The following STXBP5L variants were observed in gnomAD, a reference collection of about 807,000 sequenced individuals.
STXBP5L encodes the protein syntaxin-binding protein 5-like.
STXBP5L carries 65 observed loss-of-function variants against 144.5 expected under a neutral mutation model. That is an observed-to-expected ratio of 0.45 (90% CI 0.37 to 0.55). The LOEUF is 0.55. STXBP5L is among the 20% of genes least tolerant of loss of function. The probability of loss-of-function intolerance (pLI) is 0.00; values close to 1 mark genes in which losing one functional copy is unlikely to be tolerated. For synonymous variants in STXBP5L, 505 were observed against 469.6 expected (o/e 1.08, Z -0.97); for missense variants, 1,298 against 1,405.5 (o/e 0.92, Z 1.22).
intron 5 of STXBP5L, among the ~76,000 whole-genome samples, chr3:121,082,075 C>A (rs1031891506): frequency 6.6e-6 from 1 of 151,914 alleles, no homozygotes; most frequent in Admixed American, 6.6e-5. Flanking sequence ...TATTCTTTTT[C>A]AAAATTGTCT....
intron 20 of STXBP5L, among the ~76,000 whole-genome samples, chr3:121,334,057 G>A (rs2108565268): frequency 1.3e-5 from 2 of 152,130 alleles, no homozygotes; most frequent in South Asian, 4.2e-4. Flanking sequence ...GGTTTTATAA[G>A]GAGAAACCCC....
At chr3:121,350,747 C>A (rs536102535) in intron 20 of STXBP5L, among the ~76,000 whole-genome samples, 1 of 152,080 alleles carries the variant, frequency 6.6e-6, no homozygotes, top group Non-Finnish European at 1.5e-5. Flanking sequence ...TCCAGTTGAT[C>A]GAATCAGCTA....
At chr3:121,092,694 A>G (rs373979949) in intron 5 of STXBP5L, among the ~76,000 whole-genome samples, 1 of 152,164 alleles carries the variant, frequency 6.6e-6, no homozygotes, top group East Asian at 1.9e-4. Context: ...GGTTTTCTAG[A>G]TACACAATCA....
chr3:120,917,769 C>T (rs1709175145), intron 2 of STXBP5L, among the ~76,000 whole-genome samples: 2 of 152,096 alleles, frequency 1.3e-5, no homozygotes, highest in Admixed American at 1.3e-4. Context: ...TTCTCCTTAC[C>T]TGATAAGAAT....
chr3:121,114,660 A>G (rs919847113), intron 5 of STXBP5L, among the ~76,000 whole-genome samples: 10 of 152,160 alleles, frequency 6.6e-5, no homozygotes, highest in African/African-American at 2.4e-4. Context: ...ACAGAAATAC[A>G]TATCTGTCTT....
chr3:121,247,399 T>C (rs995642620), intron 14 of STXBP5L, among the ~76,000 whole-genome samples: 1 of 152,246 alleles, frequency 6.6e-6, no homozygotes, highest in South Asian at 2.1e-4. Flanking sequence ...TGTAGGATTG[T>C]TACATGGGTA....
chr3:121,035,230 C>T (rs562741189), intron 3 of STXBP5L, among the ~76,000 whole-genome samples: 15 of 152,158 alleles, frequency 9.9e-5, no homozygotes, highest in African/African-American at 2.9e-4. Flanking sequence ...CCCCACTTGC[C>T]TATTTTTGTT....
At chr3:121,170,588 C>T (rs910265579) in intron 9 of STXBP5L, among the ~76,000 whole-genome samples, 5 of 152,084 alleles carry the variant, frequency 3.3e-5, no homozygotes, top group African/African-American at 7.2e-5. Context: ...AATAGAAAAC[C>T]TAGAAGAAAT....
chr3:121,045,555 A>G lies in STXBP5L; in HGVS notation c.470+20A>G. 6.3e-7 allele frequency: 1 copy of G among 1,591,634 alleles called. No homozygotes were observed. Among genetic ancestry groups the G allele is most frequent in the Non-Finnish European group, 8.5e-7 (1 of 1,170,958 alleles). ...GGAACGGTAAGAACCTATGAATTAA[A>G]CAATTTCTTAATGTACAACAAAATT... On this transcript the variant is annotated intron_variant, in intron 5 of 26. Transcript: ENST00000471454.
rs567479396 is a variant in STXBP5L, at chr3:121,170,011, G to T, written c.877+12384G>T. 7.9e-5 allele frequency among the ~76,000 whole-genome samples: 12 copies of T among 151,816 alleles called. No individual in the cohort carries two copies. The East Asian group carries it at 2.1e-3, about 27-fold the overall frequency. On this transcript the variant is annotated intron_variant, in intron 9 of 26. Coordinates refer to ENST00000471454, the MANE Select transcript of STXBP5L (RefSeq NM_001308330.2). The stretch of plus-strand genomic sequence containing the variant: ...AACAAACAGTCTCTCAGACCACAGT[G>T]CAATCAAATTAGAACTCAGGATTAA...
chr3:121,075,837 A>C (rs887660814), intron 5 of STXBP5L, among the ~76,000 whole-genome samples: 1 of 152,196 alleles, frequency 6.6e-6, no homozygotes, highest in Non-Finnish European at 1.5e-5. Context: ...CTTATTGTGC[A>C]TACTGCCTGA....
At chr3:121,175,855 A>G (rs1390338798) in intron 9 of STXBP5L, among the ~76,000 whole-genome samples, 3 of 148,020 alleles carry the variant, frequency 2.0e-5, no homozygotes, top group Admixed American at 6.7e-5. Flanking sequence ...ATAAGTTGAC[A>G]GTAAAAAAAA....
chr3:121,175,782 G>GA (rs1031467445), intron 9 of STXBP5L, among the ~76,000 whole-genome samples: 4 of 150,888 alleles, frequency 2.7e-5, no homozygotes, highest in African/African-American at 9.7e-5. Context: ...ATTCAATTTT[G>GA]AAAAAAGCAA....
intron 11 of STXBP5L, 149 bp downstream of exon 11, chr3:121,223,306 A>G (rs1012147071): frequency 4.0e-6 from 3 of 745,724 alleles, no homozygotes; most frequent in Non-Finnish European, 6.2e-6. Flanking sequence ...AACTGTACCT[A>G]CTTGAGAAAC....
At chr3:121,369,870 G>A (rs895718280) in intron 20 of STXBP5L, among the ~76,000 whole-genome samples, 3 of 152,168 alleles carry the variant, frequency 2.0e-5, no homozygotes, top group Non-Finnish European at 4.4e-5. Flanking sequence ...TTTACTGAAT[G>A]TGAATGTTAG....
chr3:121,068,066 G>A (rs1024876946), intron 5 of STXBP5L, among the ~76,000 whole-genome samples: 5 of 152,258 alleles, frequency 3.3e-5, no homozygotes, highest in Non-Finnish European at 5.9e-5. Context: ...CTGGAGTGCA[G>A]TGGCACAATC....
At chr3:121,130,253 A>AT (rs1219370354) in intron 7 of STXBP5L, among the ~76,000 whole-genome samples, 1 of 152,030 alleles carries the variant, frequency 6.6e-6, no homozygotes, top group Non-Finnish European at 1.5e-5. Context: ...GTTACTATCC[A>AT]TTTTCAAAGC....
intron 3 of STXBP5L, among the ~76,000 whole-genome samples, chr3:120,962,370 G>T (rs1295283211): frequency 2.6e-5 from 4 of 152,258 alleles, no homozygotes; most frequent in South Asian, 4.1e-4. Flanking sequence ...ATCCTGAATG[G>T]TATTGCCTAG....
intron 22 of STXBP5L, among the ~76,000 whole-genome samples, chr3:121,397,145 T>A (rs972577362): frequency 3.0e-4 from 45 of 152,272 alleles, no homozygotes; most frequent in African/African-American, 1.1e-3. Context: ...GGCTGCAGGT[T>A]GTTTACTGCA....
Sources: allele counts gnomAD v4.1 joint callset (sites outside exome capture counted in the v4.1 genomes callset), GRCh38; gene constraint gnomAD v4.1.1; transcripts MANE v1.5; gene names NCBI Gene and HGNC (gene_info 2026-07-23, HGNC 2026-07-21).